RALYL: variants seen among roughly 807,000 people sequenced by gnomAD.
RALYL encodes the protein RNA-binding Raly-like protein.
Under a neutral mutation model 35.1 loss-of-function variants are expected in RALYL, and 29 were observed. The ratio of observed to expected loss-of-function variants is 0.83; its 90% confidence interval spans 0.61 to 1.13. RALYL has a LOEUF of 1.13. Ranked by LOEUF, RALYL falls within the 50% of genes most tolerant of loss-of-function variation. The pLI is 0.00. For synonymous variants in RALYL, 120 were observed against 127.6 expected, an observed-to-expected ratio of 0.94 and a Z score of 0.40; for missense variants, 359 against 360.4, an observed-to-expected ratio of 1.00 and a Z score of 0.03.
At chr8:84,354,344 T>C (rs1387900877) in intron 1 of RALYL, among the ~76,000 whole-genome samples, 1 of 150,344 alleles carries the variant, frequency 6.7e-6, no homozygotes, top group Non-Finnish European at 1.5e-5. Context: ...AAGTAAAATA[T>C]AAAATCAACT....
At chr8:84,418,291 T>C (rs998169887) in intron 1 of RALYL, among the ~76,000 whole-genome samples, 7 of 152,136 alleles carry the variant, frequency 4.6e-5, no homozygotes, top group Non-Finnish European at 8.8e-5. Context: ...CATCTGTAAA[T>C]TGGAAGTTAT....
chr8:84,887,891 A>G (rs1282779485), intron 8 of RALYL, 115 bp downstream of exon 8: 1 of 934,250 alleles, frequency 1.1e-6, no homozygotes, highest in Non-Finnish European at 1.6e-6. Context: ...TCTTATATGC[A>G]TATATTTAAG....
chr8:84,424,658 G>GT (rs1368644793), intron 1 of RALYL, among the ~76,000 whole-genome samples: 12 of 151,772 alleles, frequency 7.9e-5, no homozygotes, highest in Non-Finnish European at 1.5e-5. Flanking sequence ...TTTCTGTTCT[G>GT]TTTTTTCCCC....
chr8:84,206,656 G>A (rs1338144627), intron 1 of RALYL, among the ~76,000 whole-genome samples: 1 of 152,162 alleles, frequency 6.6e-6, no homozygotes, highest in Non-Finnish European at 1.5e-5. Context: ...AGAACTATCT[G>A]AGTGGAGGTG....
chr8:84,308,792 T>G (rs942586990), intron 1 of RALYL, among the ~76,000 whole-genome samples: 1 of 151,974 alleles, frequency 6.6e-6, no homozygotes, highest in Admixed American at 6.5e-5. Flanking sequence ...ATTTAACTAT[T>G]GAAAGAAAAA....
intron 2 of RALYL, among the ~76,000 whole-genome samples, chr8:84,570,726 A>G (rs1389529609): frequency 6.6e-6 from 1 of 151,922 alleles, no homozygotes; most frequent in East Asian, 1.9e-4. Context: ...TGTATTTGCC[A>G]TGGATGGCTC....
intron 2 of RALYL, among the ~76,000 whole-genome samples, chr8:84,628,501 A>G (rs1823230179): frequency 6.6e-6 from 1 of 152,128 alleles, no homozygotes; most frequent in Non-Finnish European, 1.5e-5. Flanking sequence ...CTACTACATT[A>G]TTTAAGTCCT....
chr8:84,479,978 T>G (rs2053874418), intron 1 of RALYL, among the ~76,000 whole-genome samples: 1 of 152,172 alleles, frequency 6.6e-6, no homozygotes. Context: ...TTAAAGCTGA[T>G]TTGAGCAAAT....
intron 1 of RALYL, among the ~76,000 whole-genome samples, chr8:84,375,945 C>G (rs1347192407): frequency 2.6e-5 from 4 of 151,782 alleles, no homozygotes; most frequent in Non-Finnish European, 5.9e-5. Context: ...TCCTTGCAAA[C>G]TGGTGGACTC....
At chr8:84,902,214 C>T (rs1022585038) in intron 8 of RALYL, among the ~76,000 whole-genome samples, 1 of 151,968 alleles carries the variant, frequency 6.6e-6, no homozygotes, top group African/African-American at 2.4e-5. Flanking sequence ...GAGGAGGCCC[C>T]GGAAGTATAA....
At chr8:84,729,920 A>T (rs1845804614) in intron 2 of RALYL, among the ~76,000 whole-genome samples, 1 of 152,154 alleles carries the variant, frequency 6.6e-6, no homozygotes, top group South Asian at 2.1e-4. Context: ...AGAGTCCAGG[A>T]CCAGATGGAT....
At chr8:84,190,993 A>T (rs972883324) in intron 1 of RALYL, among the ~76,000 whole-genome samples, 2 of 151,680 alleles carry the variant, frequency 1.3e-5, no homozygotes, top group African/African-American at 2.4e-5. Context: ...AGTATTGTTC[A>T]ACAGAGCTAA....
At chr8:84,801,997 G>GTT (rs1823414103) in intron 3 of RALYL, among the ~76,000 whole-genome samples, 2 of 151,404 alleles carry the variant, frequency 1.3e-5, no homozygotes, top group Non-Finnish European at 3.0e-5. Flanking sequence ...ATTTTAGGAG[G>GTT]TTGTTTCCAA....
intron 2 of RALYL, among the ~76,000 whole-genome samples, chr8:84,555,803 A>G (rs983207371): frequency 1.3e-5 from 2 of 152,346 alleles, no homozygotes; most frequent in African/African-American, 4.8e-5. Context: ...CTAAATTTAG[A>G]TATCCCATCA....
chr8:84,369,551 G>A (rs960340244), intron 1 of RALYL, among the ~76,000 whole-genome samples: 9 of 152,000 alleles, frequency 5.9e-5, no homozygotes, highest in Non-Finnish European at 1.3e-4. Flanking sequence ...CTTCAGGGGG[G>A]TAGGTTGTGG....
intron 1 of RALYL, among the ~76,000 whole-genome samples, chr8:84,429,055 A>T (rs2046859105): frequency 6.6e-6 from 1 of 152,170 alleles, no homozygotes; most frequent in Admixed American, 6.5e-5. Context: ...TTATCTAATG[A>T]AAGCCAAGCA....
chr8:84,678,130 C>G (rs1834589932), intron 2 of RALYL, among the ~76,000 whole-genome samples: 3 of 152,068 alleles, frequency 2.0e-5, no homozygotes, highest in African/African-American at 7.2e-5. Flanking sequence ...GCTTTTCACC[C>G]TTTATTTTTT....
intron 2 of RALYL, among the ~76,000 whole-genome samples, chr8:84,751,733 A>G (rs1389534681): frequency 6.6e-6 from 1 of 152,060 alleles, no homozygotes; most frequent in African/African-American, 2.4e-5. Context: ...GCCTGGCCAT[A>G]TGAAATCCTG....
At chr8:84,904,869 T>C (rs893325522) in intron 8 of RALYL, among the ~76,000 whole-genome samples, 1 of 152,144 alleles carries the variant, frequency 6.6e-6, no homozygotes, top group Non-Finnish European at 1.5e-5. Context: ...AGGTGCATAT[T>C]CCACCCAATT....
Sources: allele counts gnomAD v4.1 joint callset (sites outside exome capture counted in the v4.1 genomes callset), GRCh38; gene constraint gnomAD v4.1.1; transcripts MANE v1.5; gene names NCBI Gene and HGNC (gene_info 2026-07-23, HGNC 2026-07-21).